The following WWOX variants were observed in gnomAD, a reference collection of about 807,000 sequenced individuals.
The protein encoded by WWOX is WW domain-containing oxidoreductase.
A neutral mutation model predicts 46.2 loss-of-function variants in WWOX; 69 were observed. The observed-to-expected ratio is 1.49, with a 90% CI of 1.23 to 1.82. The LOEUF is 1.82. Ranked by LOEUF, WWOX falls within the 40% of genes most tolerant of loss-of-function variation. The probability of loss-of-function intolerance (pLI) is 0.00; values close to 1 mark genes in which losing one functional copy is unlikely to be tolerated. For missense variants in WWOX, 919 were observed against 542.6 expected, an observed-to-expected ratio of 1.69 and a Z score of -6.89; for synonymous variants, 359 against 202.6, an observed-to-expected ratio of 1.77 and a Z score of -6.56.
At chr16:78,555,552 G>C (rs1400744650) in intron 8 of WWOX, among the ~76,000 whole-genome samples, 2 of 150,038 alleles carry the variant, frequency 1.3e-5, no homozygotes, top group Admixed American at 6.7e-5. Flanking sequence ...ATATATGCAG[G>C]CCAGTACCAC....
intron 8 of WWOX, among the ~76,000 whole-genome samples, chr16:78,622,319 G>A (rs1260237870): frequency 6.6e-6 from 1 of 152,054 alleles, no homozygotes; most frequent in Admixed American, 6.6e-5. Flanking sequence ...GAGGCAGGCA[G>A]ATCACCTGAG....
intron 8 of WWOX, among the ~76,000 whole-genome samples, chr16:78,895,074 A>G (rs150748841): frequency 1.1e-3 from 167 of 152,214 alleles, no homozygotes; most frequent in African/African-American, 3.6e-3. Flanking sequence ...AAACAAACAC[A>G]ATGGTTTCTG....
intron 8 of WWOX, among the ~76,000 whole-genome samples, chr16:78,942,644 C>T (rs1406550762): frequency 2.6e-5 from 4 of 152,122 alleles, no homozygotes; most frequent in African/African-American, 7.2e-5. Context: ...ACTTTTCACA[C>T]GTGGCATGAA....
intron 8 of WWOX, among the ~76,000 whole-genome samples, chr16:78,957,516 G>C (rs1365959695): frequency 6.6e-6 from 1 of 152,160 alleles, no homozygotes; most frequent in Non-Finnish European, 1.5e-5. Flanking sequence ...TGTTCTGTGG[G>C]AACTGAGAAT....
intron 8 of WWOX, among the ~76,000 whole-genome samples, chr16:78,654,000 C>T (rs1004223858): frequency 3.3e-5 from 5 of 152,178 alleles, no homozygotes; most frequent in African/African-American, 1.2e-4. Context: ...TTAAGATCTG[C>T]TCAAGGTCGT....
intron 8 of WWOX, among the ~76,000 whole-genome samples, chr16:78,664,458 G>T (rs1452474952): frequency 1.3e-5 from 2 of 152,172 alleles, no homozygotes; most frequent in South Asian, 4.1e-4. Context: ...CCTCGATCAG[G>T]CTGGATCATT....
intron 8 of WWOX, among the ~76,000 whole-genome samples, chr16:78,883,328 A>G (rs1212557200): frequency 6.6e-6 from 1 of 152,194 alleles, no homozygotes; most frequent in South Asian, 2.1e-4. Context: ...ATCCGGTGAC[A>G]TCCTGGATTA....
Position 78,115,136 on chromosome 16 carries a change from G to A in WWOX, c.391G>A (p.Gly131Arg), listed in dbSNP as rs2151674915. 5 of 1,614,202 alleles carry A rather than the reference G, an allele frequency of 3.1e-6. No individual in the cohort carries two copies. The highest frequency in any genetic ancestry group is 4.2e-6 in the Non-Finnish European group (5 of 1,180,030). ...DFTGKVVVVTGANSGIGFETA... is the reference protein window; with the variant it reads ...DFTGKVVVVTRANSGIGFETA... Reference sequence around the variant, plus strand: ...CACTGGCAAAGTGGTTGTGGTCACTGGAGCTAATTCAGGAATAGGTAGGCT... The same window carrying A: ...CACTGGCAAAGTGGTTGTGGTCACTAGAGCTAATTCAGGAATAGGTAGGCT... The change falls in exon 4 of 9, where the codon GGA (glycine) becomes AGA (arginine). Residue 131 changes from glycine to arginine, a missense_variant. Transcript: ENST00000566780.
intron 8 of WWOX, among the ~76,000 whole-genome samples, chr16:79,027,578 G>T (rs1044761724): frequency 6.6e-6 from 1 of 151,692 alleles, no homozygotes; most frequent in South Asian, 2.1e-4. Context: ...CTGTCATTTG[G>T]ACCTCTGACC....
intron 8 of WWOX, among the ~76,000 whole-genome samples, chr16:78,704,920 G>T (rs1025923539): frequency 1.4e-4 from 20 of 144,424 alleles, no homozygotes; most frequent in African/African-American, 2.8e-4. Context: ...AATACAACTT[G>T]TTTTTTTTTT....
intron 8 of WWOX, among the ~76,000 whole-genome samples, chr16:79,046,881 C>G (rs1233571620): frequency 6.6e-6 from 1 of 152,196 alleles, no homozygotes; most frequent in East Asian, 1.9e-4. Context: ...TCTTCTCGTA[C>G]TTCCCATATT....
At chr16:78,605,698 C>T (rs1337628423) in intron 8 of WWOX, among the ~76,000 whole-genome samples, 1 of 152,156 alleles carries the variant, frequency 6.6e-6, no homozygotes, top group Non-Finnish European at 1.5e-5. Context: ...AGTTCTTTGT[C>T]ATATTCCTGA....
intron 8 of WWOX, among the ~76,000 whole-genome samples, chr16:78,902,695 A>G (rs147831461): frequency 4.4e-4 from 67 of 152,354 alleles, no homozygotes; most frequent in African/African-American, 1.6e-3. Context: ...GCAGCTCAGT[A>G]TTTCCTGCTC....
rs193230907 is a variant in WWOX at position 78,702,522 on chromosome 16, A to T, written c.1056+269770A>T. Among the ~76,000 whole-genome samples, 919 of 151,866 alleles carry T rather than the reference A, an allele frequency of 6.1e-3. 11 individuals carry two copies. Among genetic ancestry groups the T allele is most frequent in the African/African-American group, 0.021 (859 of 41,404 alleles). On this transcript the variant is annotated intron_variant, in intron 8 of 8. Transcript: ENST00000566780. The stretch of plus-strand genomic sequence containing the variant: ...AAAAATTAGCCAGGCACAGTGGCTC[A>T]TGTCTGTAATCCCAAATGCTTGCTC...
At chr16:78,631,129 T>G (rs746119389) in intron 8 of WWOX, among the ~76,000 whole-genome samples, 1 of 152,206 alleles carries the variant, frequency 6.6e-6, no homozygotes. Context: ...CAATTTTATG[T>G]TAGGGACTTG....
intron 4 of WWOX, among the ~76,000 whole-genome samples, chr16:78,117,770 GC>G (rs2032876398): frequency 1.3e-5 from 2 of 152,264 alleles, no homozygotes; most frequent in East Asian, 3.9e-4. Flanking sequence ...GACTTCTGGG[GC>G]ATTCAGGAGT....
chr16:78,658,689 C>T (rs1322418449), intron 8 of WWOX, among the ~76,000 whole-genome samples: 4 of 152,112 alleles, frequency 2.6e-5, no homozygotes, highest in Non-Finnish European at 4.4e-5. Context: ...GTCTTTGCTC[C>T]CTTTTCCTAT....
At chr16:79,076,165 G>A (rs1016249316) in intron 8 of WWOX, among the ~76,000 whole-genome samples, 5 of 152,192 alleles carry the variant, frequency 3.3e-5, no homozygotes, top group African/African-American at 1.2e-4. Flanking sequence ...ATATTATGAG[G>A]CACATCCCAT....
intron 8 of WWOX, among the ~76,000 whole-genome samples, chr16:79,126,385 C>A (rs977162757): frequency 2.0e-5 from 3 of 152,216 alleles, no homozygotes; most frequent in Admixed American, 6.5e-5. Flanking sequence ...AAGGAGGGAC[C>A]AGGTGGAGGT....
Sources: allele counts gnomAD v4.1 joint callset (sites outside exome capture counted in the v4.1 genomes callset), GRCh38; gene constraint gnomAD v4.1.1; transcripts MANE v1.5; gene names NCBI Gene and HGNC (gene_info 2026-07-23, HGNC 2026-07-21).